The following FRMD3 variants were observed in gnomAD, a reference collection of about 807,000 sequenced individuals.
The protein encoded by FRMD3 is FERM domain-containing protein 3.
In FRMD3, 33 loss-of-function variants were observed where a neutral mutation model predicts 70.2. That is an observed-to-expected ratio of 0.47 (90% CI 0.36 to 0.63). The LOEUF is 0.63. Among genes scored for constraint, FRMD3 ranks in the 20% least tolerant of loss-of-function variants. The probability of loss-of-function intolerance (pLI) is 0.00; values close to 1 mark genes in which losing one functional copy is unlikely to be tolerated. For synonymous variants in FRMD3, 279 were observed against 255.9 expected (o/e 1.09, Z -0.86); for missense variants, 632 against 711.4 (o/e 0.89, Z 1.27).
At chr9:83,509,408 A>G (rs1829284618) in intron 1 of FRMD3, among the ~76,000 whole-genome samples, 1 of 152,244 alleles carries the variant, frequency 6.6e-6, no homozygotes, top group African/African-American at 2.4e-5. Context: ...AGCAGTAGCC[A>G]CAGCCAAAAA....
Position 83,335,508 on chromosome 9 carries a change from G to T in FRMD3, c.596+8C>A, listed in dbSNP as rs181415294. On this transcript the variant is annotated splice_region_variant and intron_variant, in intron 6 of 13. Coordinates refer to ENST00000304195, the MANE Select transcript of FRMD3 (RefSeq NM_174938.6). Reference sequence around the variant, plus strand: ...TATCATTTTCACAAATGTCTACTCAGTAATTACCTGAGTTCATTTTTATGA... The same window carrying T: ...TATCATTTTCACAAATGTCTACTCATTAATTACCTGAGTTCATTTTTATGA... The T allele has an allele frequency of 6.5e-4, 1,039 of 1,608,446 alleles. 1 individual carries two copies. The highest frequency in any genetic ancestry group is 8.1e-4 in the Non-Finnish European group (953 of 1,175,886).
the FRMD3 span, among the ~76,000 whole-genome samples, chr9:83,562,891 G>GCC: frequency 1.3e-4 from 19 of 144,126 alleles, no homozygotes; most frequent in Non-Finnish European, 2.3e-4. Context: ...TATGGCCAAT[G>GCC]CCCCCCCCCC....
At chr9:83,376,655 T>A (rs3904189) in intron 2 of FRMD3, among the ~76,000 whole-genome samples, 6 of 148,824 alleles carry the variant, frequency 4.0e-5, no homozygotes, top group African/African-American at 7.5e-5. Flanking sequence ...TGCCCAGGCT[T>A]GTCTCAAAAG....
chr9:83,500,100 G>T (rs2131511104), intron 1 of FRMD3, among the ~76,000 whole-genome samples: 1 of 152,226 alleles, frequency 6.6e-6, no homozygotes, highest in East Asian at 1.9e-4. Context: ...ACGGAGGGAT[G>T]AATAGGTAGA....
At chr9:83,294,247 G>C (rs895175207) in intron 12 of FRMD3, among the ~76,000 whole-genome samples, 1 of 152,176 alleles carries the variant, frequency 6.6e-6, no homozygotes. Flanking sequence ...GAGGAAGCAG[G>C]TGTTTGCCAG....
At chr9:83,395,786 T>C (rs533941208) in intron 1 of FRMD3, among the ~76,000 whole-genome samples, 2 of 147,378 alleles carry the variant, frequency 1.4e-5, no homozygotes, top group Non-Finnish European at 3.0e-5. Context: ...AAAAAAAAAG[T>C]CTGGCAGATT....
chr9:83,431,970 C>A (rs1407033976), intron 1 of FRMD3, among the ~76,000 whole-genome samples: 1 of 152,156 alleles, frequency 6.6e-6, no homozygotes, highest in African/African-American at 2.4e-5. Context: ...TTCAGAGAAA[C>A]CCTAGCACTC....
At chr9:83,348,079 C>T (rs1321238105) in intron 4 of FRMD3, among the ~76,000 whole-genome samples, 3 of 152,262 alleles carry the variant, frequency 2.0e-5, no homozygotes, top group Admixed American at 2.0e-4. Context: ...AAATGTCCAT[C>T]CTTAATTTAT....
At chr9:83,378,267 T>TG (rs1455597225) in intron 2 of FRMD3, among the ~76,000 whole-genome samples, 3 of 142,672 alleles carry the variant, frequency 2.1e-5, no homozygotes, top group South Asian at 2.2e-4. Context: ...TTTTGTTTTT[T>TG]TTGTTTTTTT....
intron 10 of FRMD3, among the ~76,000 whole-genome samples, chr9:83,303,500 A>G (rs950358124): frequency 6.6e-6 from 1 of 152,230 alleles, no homozygotes; most frequent in Non-Finnish European, 1.5e-5. Context: ...CTGATTCAGT[A>G]GATCTGGGGA....
intron 12 of FRMD3, among the ~76,000 whole-genome samples, chr9:83,294,414 A>G (rs2118995412): frequency 6.6e-6 from 1 of 152,328 alleles, no homozygotes; most frequent in Admixed American, 6.5e-5. Flanking sequence ...ACTAAAGATT[A>G]CACCTTCTTA....
At chr9:83,429,494 G>A (rs1826907997) in intron 1 of FRMD3, among the ~76,000 whole-genome samples, 1 of 152,042 alleles carries the variant, frequency 6.6e-6, no homozygotes, top group Admixed American at 6.5e-5. Context: ...ACTCTGATAT[G>A]CTCTTATGCA....
chr9:83,390,437 A>C (rs1825636770), intron 1 of FRMD3, among the ~76,000 whole-genome samples: 1 of 152,206 alleles, frequency 6.6e-6, no homozygotes, highest in Admixed American at 6.5e-5. Flanking sequence ...GAGCCACTGC[A>C]TCCCTTCCAT....
chr9:83,446,645 TC>T (rs1564081468), intron 1 of FRMD3, among the ~76,000 whole-genome samples: 1 of 49,438 alleles, frequency 2.0e-5, no homozygotes, highest in Non-Finnish European at 3.4e-5. Flanking sequence ...AGACTCGGTC[TC>T]AAAAAAAAAA....
At chr9:83,428,084 G>T (rs1159261473) in intron 1 of FRMD3, among the ~76,000 whole-genome samples, 1 of 152,126 alleles carries the variant, frequency 6.6e-6, no homozygotes, top group Non-Finnish European at 1.5e-5. Flanking sequence ...ATATGTATAA[G>T]AATGTTTATA....
At chr9:83,436,085 C>T (rs528817638) in intron 1 of FRMD3, among the ~76,000 whole-genome samples, 15 of 152,296 alleles carry the variant, frequency 9.8e-5, no homozygotes, top group African/African-American at 3.4e-4. Flanking sequence ...CCACACAACA[C>T]TGATTCTCTC....
chr9:83,345,994 C>T (rs559284796), intron 4 of FRMD3, among the ~76,000 whole-genome samples: 3 of 152,064 alleles, frequency 2.0e-5, no homozygotes, highest in South Asian at 2.1e-4. Context: ...CAGAGGCTCA[C>T]GTCTGTACTC....
chr9:83,359,168 C>T (rs941175077), intron 3 of FRMD3, among the ~76,000 whole-genome samples: 3 of 152,170 alleles, frequency 2.0e-5, no homozygotes, highest in Non-Finnish European at 4.4e-5. Context: ...ATCTTCCTCT[C>T]GTTACAGTTC....
At chr9:83,576,181 A>G in the FRMD3 span, among the ~76,000 whole-genome samples, 1 of 152,206 alleles carries the variant, frequency 6.6e-6, no homozygotes, top group Admixed American at 6.5e-5. Context: ...CAACATACAC[A>G]AGGATTAATC....
Sources: allele counts gnomAD v4.1 joint callset (sites outside exome capture counted in the v4.1 genomes callset), GRCh38; gene constraint gnomAD v4.1.1; transcripts MANE v1.5; gene names NCBI Gene and HGNC (gene_info 2026-07-23, HGNC 2026-07-21).